PITPNM3: variants seen among roughly 807,000 people sequenced by gnomAD.
PITPNM3 encodes the protein PITPNM family member 3, also known as membrane-associated phosphatidylinositol transfer protein 3.
A neutral mutation model predicts 102.0 loss-of-function variants in PITPNM3; 26 were observed. The ratio of observed to expected loss-of-function variants is 0.25; its 90% CI spans 0.19 to 0.35. The LOEUF is 0.35. PITPNM3 is among the 10% of genes least tolerant of loss of function. PITPNM3 has a pLI of 1.00. For synonymous variants in PITPNM3, 578 were observed against 558.6 expected, an observed-to-expected ratio of 1.03 and a Z score of -0.49; for missense variants, 1,083 against 1,346.1, an observed-to-expected ratio of 0.80 and a Z score of 3.06.
chr17:6,517,564 A>T lies in PITPNM3; in HGVS notation c.226+7792T>A, dbSNP rs1286348064. The stretch of plus-strand genomic sequence containing the variant: ...TAGAAAATGCCAGTTTTTATTTTTA[A>T]TTTTTTTTTTTTTGAGACAGGGGCT... On this transcript the variant is annotated intron_variant, in intron 3 of 19. Transcript: ENST00000262483. The surrounding 1 kb of genome is among the most constrained non-coding windows in gnomAD (Gnocchi z 4.1). Among the ~76,000 whole-genome samples the T allele has an allele frequency of 2.0e-5, 3 of 147,088 alleles. No homozygotes were observed. Among genetic ancestry groups the T allele is most frequent in the Non-Finnish European group, 4.5e-5 (3 of 66,316 alleles).
Position 6,453,856 on chromosome 17 carries a change from G to A in PITPNM3, c.*1482C>T, listed in dbSNP as rs372757907. 4.6e-5 allele frequency: 7 copies of A among 152,712 alleles called. No homozygotes were observed. The highest frequency in any genetic ancestry group is 1.7e-4 in the African/African-American group (7 of 41,598). The allele number at this position is 152,712 out of a possible 1,614,324, so 9.5% of individuals were successfully genotyped here. On this transcript the variant is annotated 3_prime_UTR_variant, in exon 20 of 20. Coordinates refer to ENST00000262483, the MANE Select transcript of PITPNM3 (RefSeq NM_031220.4). Reference sequence around the variant, plus strand: ...ACCGGCCTTGATGGCAGCCTATGGGGGCTCAGTGGCCACGTGGGCAGCCCC... The same window carrying A: ...ACCGGCCTTGATGGCAGCCTATGGGAGCTCAGTGGCCACGTGGGCAGCCCC...
At chr17:6,549,220 C>T (rs1910183650) in intron 1 of PITPNM3, among the ~76,000 whole-genome samples, 1 of 152,162 alleles carries the variant, frequency 6.6e-6, no homozygotes, top group South Asian at 2.1e-4. Context: ...CCAGCCCTGG[C>T]CACACGGACT....
chr17:6,530,304 C>T (rs563220586), intron 2 of PITPNM3, among the ~76,000 whole-genome samples: 1 of 152,342 alleles, frequency 6.6e-6, no homozygotes, highest in Admixed American at 6.5e-5. Flanking sequence ...TGGCATGTGC[C>T]CCCCATTCTC....
In PITPNM3 at chr17:6,506,448, T is replaced by G. The variant is rs1336983934; in HGVS notation, c.227-2874A>C. On this transcript the variant is annotated intron_variant, in intron 3 of 19. Coordinates refer to ENST00000262483, the MANE Select transcript of PITPNM3 (RefSeq NM_031220.4). ...GTGCAATGGTGCGATTTCGGCTCAC[T>G]GTAACCTCCGCCTCCCAGGTTCAAG... Among the ~76,000 whole-genome samples the G allele has an allele frequency of 4.6e-5, 7 of 151,912 alleles. No individual in the cohort carries two copies. In the East Asian group the frequency reaches 1.4e-3, roughly 29 times the overall value.
intron 4 of PITPNM3, among the ~76,000 whole-genome samples, chr17:6,485,388 C>T (rs1906027045): frequency 6.6e-6 from 1 of 151,914 alleles, no homozygotes; most frequent in African/African-American, 2.4e-5. Flanking sequence ...AAACTCCTGA[C>T]CTCAAGTGAT....
intron 14 of PITPNM3, among the ~76,000 whole-genome samples, chr17:6,465,887 A>C (rs117762957): frequency 6.6e-6 from 1 of 152,148 alleles, no homozygotes; most frequent in Non-Finnish European, 1.5e-5. Flanking sequence ...GCACAGCCAC[A>C]TCGCCTGGAT....
chr17:6,476,751 A>C (rs1357469093), intron 9 of PITPNM3, among the ~76,000 whole-genome samples: 1 of 152,222 alleles, frequency 6.6e-6, no homozygotes, highest in Admixed American at 6.5e-5. Context: ...CTTTTTGCAG[A>C]AGAAAAGCCG....
intron 10 of PITPNM3, 129 bp downstream of exon 10, chr17:6,474,303 T>G (rs751813507): frequency 4.5e-5 from 59 of 1,303,936 alleles, no homozygotes; most frequent in Admixed American, 7.8e-5. Flanking sequence ...TCTCCTCTCT[T>G]TCCACCTATC....
chr17:6,544,654 T>TCTCTCTCTCACACACACACA (rs376230474), intron 1 of PITPNM3, among the ~76,000 whole-genome samples: 3 of 130,206 alleles, frequency 2.3e-5, no homozygotes, highest in African/African-American at 9.2e-5. Flanking sequence ...TCTCTCTCTC[T>TCTCTCTCTCACACACACACA]CACACACACA....
intron 1 of PITPNM3, among the ~76,000 whole-genome samples, chr17:6,549,550 T>C (rs979806720): frequency 2.0e-5 from 3 of 152,208 alleles, no homozygotes; most frequent in African/African-American, 7.2e-5. Flanking sequence ...CTGTGGGGGC[T>C]GGTGGCCACA....
rs1567655709 is a variant in PITPNM3, at chr17:6,454,225, G to GGTGGGTTGTCCCTAGGACACCCAGTTTGA, written c.*1084_*1112dup. 2 of 152,236 alleles carry GGTGGGTTGTCCCTAGGACACCCAGTTTGA rather than the reference G, an allele frequency of 1.3e-5. No individual in the cohort carries two copies. Among genetic ancestry groups the GGTGGGTTGTCCCTAGGACACCCAGTTTGA allele is most frequent in the South Asian group, 2.1e-4 (1 of 4,838 alleles). 9.4% of individuals were successfully genotyped at this position (152,236 alleles called of 1,614,324 possible). On this transcript the variant is annotated 3_prime_UTR_variant, in exon 20 of 20. Transcript: ENST00000262483. ...CAGTAACCTTTTGGCAGGAGAGGGA[G>GGTGGGTTGTCCCTAGGACACCCAGTTTGA]GTGGGTTGTCCCTAGGACACCCAGT...
At chr17:6,533,025 C>T (rs573743991) in intron 2 of PITPNM3, among the ~76,000 whole-genome samples, 11 of 152,128 alleles carry the variant, frequency 7.2e-5, no homozygotes, top group Non-Finnish European at 1.5e-4. Context: ...TACAATGGCG[C>T]GATCTCAGCT....
chr17:6,515,729 A>AC (rs34044533), intron 3 of PITPNM3, among the ~76,000 whole-genome samples: 105,047 of 151,742 alleles, frequency 0.69, 36,600 homozygotes, highest in African/African-American at 0.74. Context: ...TATCTAACCT[A>AC]CAGAAAACTC....
chr17:6,551,498 A>ACAGTAGAG (rs1368917607), intron 1 of PITPNM3, among the ~76,000 whole-genome samples: 1 of 152,138 alleles, frequency 6.6e-6, no homozygotes, highest in Non-Finnish European at 1.5e-5. Flanking sequence ...CCCAAGATAC[A>ACAGTAGAG]CAGTAGAGTA....
rs548573109 is a variant in PITPNM3 at position 6,476,694 on chromosome 17, C to T, written c.1085+335G>A. On this transcript the variant is annotated intron_variant, in intron 9 of 19. Coordinates refer to ENST00000262483, the MANE Select transcript of PITPNM3 (RefSeq NM_031220.4). ...CAAAACACAGTCACAGCAATTACTC[C>T]GCCAGGTTCTTAAAACCATGCAGTG... Among the ~76,000 whole-genome samples, 8 of 152,296 alleles carry T rather than the reference C, an allele frequency of 5.3e-5. No individual in the cohort carries two copies. In the South Asian group the frequency reaches 6.2e-4, roughly 12 times the overall value.
At chr17:6,509,826 C>T (rs1338327751) in intron 3 of PITPNM3, among the ~76,000 whole-genome samples, 1 of 152,188 alleles carries the variant, frequency 6.6e-6, no homozygotes, top group Non-Finnish European at 1.5e-5. Flanking sequence ...TAAAAAGTGG[C>T]TCTCCGCTCC....
intron 4 of PITPNM3, 73 bp downstream of exon 4, chr17:6,503,454 G>C (rs996623983): frequency 9.9e-6 from 15 of 1,517,038 alleles, no homozygotes; most frequent in Non-Finnish European, 1.1e-5. Context: ...GTGGATGAGA[G>C]GGGACCCAGG....
rs890801264 is a variant in PITPNM3 at position 6,537,762 on chromosome 17, C to T, written c.118+225G>A. On this transcript the variant is annotated intron_variant, in intron 2 of 19. Coordinates refer to ENST00000262483, the MANE Select transcript of PITPNM3 (RefSeq NM_031220.4). The surrounding 1 kb of genome is among the most constrained non-coding windows in gnomAD (Gnocchi z 4.4). ...TTGCCACAGGATCCCTGGCACCTAGCAGAGTTCCCGGCACATGTGAGGGGT... is the reference window on the plus strand; with the variant it reads ...TTGCCACAGGATCCCTGGCACCTAGTAGAGTTCCCGGCACATGTGAGGGGT... Among the ~76,000 whole-genome samples, 4 of 152,230 alleles carry T rather than the reference C, an allele frequency of 2.6e-5. No homozygotes were observed. Among genetic ancestry groups the T allele is most frequent in the African/African-American group, 7.2e-5 (3 of 41,444 alleles).
chr17:6,553,999 T>C (rs1910461557), intron 1 of PITPNM3, among the ~76,000 whole-genome samples: 1 of 152,250 alleles, frequency 6.6e-6, no homozygotes, highest in Admixed American at 6.5e-5. Flanking sequence ...GTGTTGTTTT[T>C]GATTCAGTAG....
Sources: allele counts gnomAD v4.1 joint callset (sites outside exome capture counted in the v4.1 genomes callset), GRCh38; gene constraint gnomAD v4.1.1; non-coding constraint Gnocchi (gnomAD v3.1); transcripts MANE v1.5; gene names NCBI Gene and HGNC (gene_info 2026-07-23, HGNC 2026-07-21).